The following AKT2 variants were observed in gnomAD, a reference collection of about 807,000 sequenced individuals.
The protein encoded by AKT2 is AKT serine/threonine kinase 2.
Under a neutral mutation model 58.6 loss-of-function variants are expected in AKT2, and 16 were observed. The ratio of observed to expected loss-of-function variants is 0.27; its 90% CI spans 0.18 to 0.41. The LOEUF (loss-of-function observed/expected upper bound fraction) is 0.41, where lower values mean the gene tolerates loss of function less well. Among genes scored for constraint, AKT2 ranks in the 10% least tolerant of loss-of-function variants. The pLI, the probability that AKT2 is intolerant of heterozygous loss-of-function variation, is 1.00. For synonymous variants in AKT2, 253 were observed against 254.0 expected (o/e 1.00, Z 0.04); for missense variants, 438 against 661.0 (o/e 0.66, Z 3.70).
At chr19:40,248,161 A>T (rs1974876246) in intron 4 of AKT2, among the ~76,000 whole-genome samples, 1 of 152,184 alleles carries the variant, frequency 6.6e-6, no homozygotes, top group Non-Finnish European at 1.5e-5. Flanking sequence ...CCTGCAGGCA[A>T]CACTGGGCAG....
chr19:40,234,831 T>C lies in AKT2; in HGVS notation c.1366+214A>G. ...TGCCTCCTGCCCTGAGCCCCCCGAC[T>C]GAGCTCCAGAACGTGCTGCAGTCAA... On this transcript the variant is annotated intron_variant, in intron 13 of 13. Transcript: ENST00000392038. This position sits in a 1 kb window ranked among gnomAD's most constrained non-coding sequence, Gnocchi z 4.7. The C allele has an allele frequency of 1.5e-6, 1 of 649,332 alleles. No homozygotes were observed. Among genetic ancestry groups the C allele is most frequent in the Non-Finnish European group, 2.8e-6 (1 of 358,820 alleles). 40.2% of individuals were successfully genotyped at this position (649,332 alleles called of 1,614,324 possible).
At chr19:40,245,234 T>C (rs1974671997) in intron 4 of AKT2, among the ~76,000 whole-genome samples, 1 of 152,092 alleles carries the variant, frequency 6.6e-6, no homozygotes, top group South Asian at 2.1e-4. Context: ...CTGAGACTTC[T>C]TAAGAGAAAA....
chr19:40,272,681 T>C (rs1424541007), intron 1 of AKT2, among the ~76,000 whole-genome samples: 1 of 152,202 alleles, frequency 6.6e-6, no homozygotes, highest in African/African-American at 2.4e-5. Flanking sequence ...TGATCAATGA[T>C]GGACCTTATA....
chr19:40,236,482 A>C, intron 9 of AKT2, 97 bp from the exon 10 acceptor site: 2 of 1,533,832 alleles, frequency 1.3e-6, no homozygotes, highest in Non-Finnish European at 1.8e-6. Context: ...GCTCCTGGAC[A>C]TCAACCCTCC....
At chr19:40,283,476 C>T (rs561641551) in intron 1 of AKT2, among the ~76,000 whole-genome samples, 3 of 152,310 alleles carry the variant, frequency 2.0e-5, no homozygotes, top group East Asian at 3.9e-4. Context: ...CCACGAGCCA[C>T]GGAAGCCAGT....
intron 4 of AKT2, among the ~76,000 whole-genome samples, chr19:40,245,600 T>A (rs954771409): frequency 1.1e-4 from 16 of 151,976 alleles, no homozygotes; most frequent in African/African-American, 3.9e-4. Flanking sequence ...TCATCAACTA[T>A]CCCTACTCCC....
intron 9 of AKT2, chr19:40,236,627 C>G (rs1226604973): frequency 3.5e-6 from 2 of 569,132 alleles, no homozygotes; most frequent in East Asian, 6.1e-5. Flanking sequence ...GAGAGCCAGG[C>G]CCTGTCCACC....
intron 4 of AKT2, chr19:40,244,323 G>T (rs1974606828): frequency 6.6e-6 from 1 of 150,682 alleles, no homozygotes; most frequent in African/African-American, 2.4e-5. Flanking sequence ...ACATGCCTGT[G>T]GTCTCAGCTA....
chr19:40,260,825 G>A (rs984988194), intron 2 of AKT2, among the ~76,000 whole-genome samples: 1 of 152,096 alleles, frequency 6.6e-6, no homozygotes, highest in African/African-American at 2.4e-5. Flanking sequence ...GCACCTGCCT[G>A]TAGTCCCAGC....
chr19:40,235,976 G>A lies in AKT2; in HGVS notation c.1089C>T (p.Leu363=), dbSNP rs1424888494. 4 of 1,614,088 alleles carry A rather than the reference G, an allele frequency of 2.5e-6. No homozygotes were observed. Among genetic ancestry groups the A allele is most frequent in the Non-Finnish European group, 3.4e-6 (4 of 1,180,038 alleles). Residue 363 remains leucine (L), a synonymous_variant, in exon 11 of 14, where the codon CTC becomes CTT. Transcript: ENST00000392038. This position sits in a 1 kb window ranked among gnomAD's most constrained non-coding sequence, Gnocchi z 6.3. ...QDHERLFELI[L]MEEIRFPRTL... ...TGCGCGGGAAGCGGATCTCTTCCAT[G>A]AGGATGAGCTCGAAGAGGCGCTCGT...
chr19:40,285,063 C>T, intron 1 of AKT2, 118 bp downstream of exon 1: 1 of 385,458 alleles, frequency 2.6e-6, no homozygotes, highest in Non-Finnish European at 4.6e-6. Context: ...GAAGGAGGGG[C>T]TCGAGGGCCG....
chr19:40,241,949 T>C lies in AKT2; in HGVS notation c.562A>G (p.Ile188Val), dbSNP rs55859611. 12 of 1,614,094 alleles carry C rather than the reference T, an allele frequency of 7.4e-6. No individual in the cohort carries two copies. The highest frequency in any genetic ancestry group is 6.7e-5 in the East Asian group (3 of 44,882). Residue 188 changes from isoleucine (I) to valine (V), a missense_variant, in exon 6 of 14, where the codon ATC becomes GTC. By Grantham distance (29) the Ile-to-Val change is conservative. Coordinates refer to ENST00000392038, the MANE Select transcript of AKT2 (RefSeq NM_001626.6). ...CCCGGGGCACGCACCTTGGCAATGA[T>C]GACTTCCTTCCGCAGGATCTTCATG... ...YAMKILRKEV[I>V]IAKDEVAHTV...
rs35562135 is a variant in AKT2 at position 40,264,953 on chromosome 19, G to A, written c.46+269C>T. 0.38 allele frequency among the ~76,000 whole-genome samples: 58,129 copies of A among 152,086 alleles called. 12,799 individuals carry two copies. Among genetic ancestry groups the A allele is most frequent in the South Asian group, 0.6 (2,882 of 4,818 alleles). The stretch of plus-strand genomic sequence containing the variant: ...TGCCTCACTGTGTTAGTTCAGTGAC[G>A]TGACTTCCCCTCTCTGGGCCTCAGT... On this transcript the variant is annotated intron_variant, in intron 2 of 13. Coordinates refer to ENST00000392038, the MANE Select transcript of AKT2 (RefSeq NM_001626.6).
intron 1 of AKT2, chr19:40,268,917 G>C (rs62107590): frequency 6.6e-6 from 1 of 152,104 alleles, no homozygotes; most frequent in Non-Finnish European, 1.5e-5. Flanking sequence ...ACCTGAGGTC[G>C]GGAGTTCGAG....
In AKT2 at chr19:40,255,447, G is replaced by A. The variant is rs1421276244; in HGVS notation, c.176-178C>T. 11 of 576,870 alleles carry A rather than the reference G, an allele frequency of 1.9e-5. No individual in the cohort carries two copies. The East Asian group carries it at 3.0e-4, about 15-fold the overall frequency. The allele number at this position is 576,870 out of a possible 1,614,324, so 35.7% of individuals were successfully genotyped here. A position where few individuals can be genotyped will look rare whatever the true frequency, so the allele number is the denominator to read the frequency against. On this transcript the variant is annotated intron_variant, in intron 3 of 13. Transcript: ENST00000392038. ...ACAGGGCTCAGGGTCTAGTGTGTGTGTGTGTGGAAGGAGAGAAGCCCACCA... is the reference window on the plus strand; with the variant it reads ...ACAGGGCTCAGGGTCTAGTGTGTGTATGTGTGGAAGGAGAGAAGCCCACCA...
Position 40,234,582 on chromosome 19 carries a change from G to A in AKT2, c.1366+463C>T, listed in dbSNP as rs1169346678. 1 of 404,372 alleles carries A rather than the reference G, an allele frequency of 2.5e-6. No individual in the cohort carries two copies. The highest frequency in any genetic ancestry group is 4.4e-6 in the Non-Finnish European group (1 of 226,806). The allele number at this position is 404,372 out of a possible 1,614,324, so 25.0% of individuals were successfully genotyped here. A position where few individuals can be genotyped will look rare whatever the true frequency, so the allele number is the denominator to read the frequency against. ...GAAAGCCCTCCCTAACTGCAGGCCA[G>A]GTCGGATATTTCCTCTGGGATTCCC... On this transcript the variant is annotated intron_variant, in intron 13 of 13. Transcript: ENST00000392038. The surrounding 1 kb of genome is among the most constrained non-coding windows in gnomAD (Gnocchi z 4.7).
rs1006839483 is a variant in AKT2 at position 40,238,398 on chromosome 19, G to A, written c.709-307C>T. ...ATGACCAAGTAACAATAGGCCATGGGCAAGCCCAGATCAGACAGATGAGCA... is the reference window on the plus strand; with the variant it reads ...ATGACCAAGTAACAATAGGCCATGGACAAGCCCAGATCAGACAGATGAGCA... On this transcript the variant is annotated intron_variant, in intron 8 of 13. Transcript: ENST00000392038. The surrounding 1 kb of genome is among the most constrained non-coding windows in gnomAD (Gnocchi z 5.1). Among the ~76,000 whole-genome samples the A allele has an allele frequency of 1.3e-5, 2 of 152,198 alleles. No individual in the cohort carries two copies. The highest frequency in any genetic ancestry group is 2.9e-5 in the Non-Finnish European group (2 of 68,044).
At chr19:40,236,473 C>G in intron 9 of AKT2, 88 bp from the exon 10 acceptor site, 1 of 1,566,390 alleles carries the variant, frequency 6.4e-7, no homozygotes, top group East Asian at 2.2e-5. Flanking sequence ...ATGCCCGGGG[C>G]TCCTGGACAT....
At chr19:40,280,259 G>T (rs1169013946) in intron 1 of AKT2, among the ~76,000 whole-genome samples, 2 of 152,200 alleles carry the variant, frequency 1.3e-5, no homozygotes, top group African/African-American at 2.4e-5. Context: ...CGGCTGGTTG[G>T]GTTGGGGAGG....
Sources: gnomAD v4.1 joint callset for allele counts (sites outside exome capture counted in the v4.1 genomes callset) on GRCh38, gnomAD v4.1.1 for gene constraint, Gnocchi (gnomAD v3.1) non-coding constraint, MANE v1.5 for transcripts, NCBI Gene and HGNC (gene_info 2026-07-23, HGNC 2026-07-21) for gene names.